Variants in C8orf34 observed in about 807,000 individuals in gnomAD.
The protein encoded by C8orf34 is uncharacterized protein C8orf34.
In C8orf34, 65 loss-of-function variants were observed where a neutral mutation model predicts 68.3. The observed-to-expected ratio is 0.95, with a 90% CI of 0.78 to 1.17. The LOEUF is 1.17. C8orf34 is among the 50% of genes most tolerant of loss of function. C8orf34 has a pLI of 0.00. For synonymous variants in C8orf34, 244 were observed against 241.2 expected (o/e 1.01, Z -0.11); for missense variants, 664 against 655.4 (o/e 1.01, Z -0.14).
intron 8 of C8orf34, among the ~76,000 whole-genome samples, chr8:68,672,683 C>T (rs1042229295): frequency 1.3e-5 from 2 of 152,144 alleles, no homozygotes; most frequent in Non-Finnish European, 2.9e-5. Context: ...AGTTGAAAGG[C>T]AGTCTAGGCT....
intron 8 of C8orf34, among the ~76,000 whole-genome samples, chr8:68,664,309 C>G (rs531847302): frequency 3.9e-5 from 6 of 152,212 alleles, no homozygotes; most frequent in Non-Finnish European, 7.4e-5. Context: ...GTTAGCTTGG[C>G]CTATATGCAG....
intron 1 of C8orf34, among the ~76,000 whole-genome samples, chr8:68,402,331 A>G (rs1347257195): frequency 6.6e-6 from 1 of 151,780 alleles, no homozygotes; most frequent in Non-Finnish European, 1.5e-5. Context: ...CAGTTTGTCA[A>G]TTTTGTTTAT....
At chr8:68,436,700 T>C (rs1026968882) in intron 1 of C8orf34, among the ~76,000 whole-genome samples, 2 of 152,176 alleles carry the variant, frequency 1.3e-5, no homozygotes, top group African/African-American at 4.8e-5. Context: ...CTTGATGTTC[T>C]AGAATACTTT....
At chr8:68,723,197 C>A (rs1821723970) in intron 10 of C8orf34, among the ~76,000 whole-genome samples, 2 of 152,118 alleles carry the variant, frequency 1.3e-5, no homozygotes, top group Admixed American at 6.5e-5. Context: ...TCCTCACAAA[C>A]ATTGGTCCTA....
At chr8:68,712,185 A>G (rs1821346091) in intron 9 of C8orf34, among the ~76,000 whole-genome samples, 3 of 152,178 alleles carry the variant, frequency 2.0e-5, no homozygotes, top group Non-Finnish European at 2.9e-5. Flanking sequence ...TTCTAAAAGG[A>G]ACTCTAAGTC....
intron 7 of C8orf34, among the ~76,000 whole-genome samples, chr8:68,630,580 A>G (rs1818661224): frequency 1.3e-5 from 2 of 152,132 alleles, no homozygotes; most frequent in Admixed American, 6.6e-5. Flanking sequence ...TTAATAAGAA[A>G]TGCACTTATA....
intron 8 of C8orf34, among the ~76,000 whole-genome samples, chr8:68,705,697 T>C (rs1821143730): frequency 6.6e-6 from 1 of 152,086 alleles, no homozygotes; most frequent in African/African-American, 2.4e-5. Flanking sequence ...CAGCTAGTTA[T>C]TTTATATAAT....
intron 3 of C8orf34, among the ~76,000 whole-genome samples, chr8:68,464,212 G>T (rs1210548268): frequency 6.6e-6 from 1 of 152,004 alleles, no homozygotes; most frequent in African/African-American, 2.4e-5. Context: ...GCTTCAAAGA[G>T]AATAAAATAC....
In C8orf34 at chr8:68,693,101, C is replaced by A. The variant is rs554559711; in HGVS notation, c.1242-15893C>A. 5.9e-5 allele frequency among the ~76,000 whole-genome samples: 9 copies of A among 152,148 alleles called. No individual in the cohort carries two copies. The South Asian group carries it at 8.3e-4, about 14-fold the overall frequency. On this transcript the variant is annotated intron_variant, in intron 8 of 13. Transcript: ENST00000518698. ...CTTCATTTCCTGTAGTCTTAGATTTCCCCCAAATTTATGAATTGTCCTTCC... is the reference window on the plus strand; with the variant it reads ...CTTCATTTCCTGTAGTCTTAGATTTACCCCAAATTTATGAATTGTCCTTCC...
chr8:68,334,938 G>C (rs1195770546), intron 1 of C8orf34, among the ~76,000 whole-genome samples: 1 of 152,136 alleles, frequency 6.6e-6, no homozygotes, highest in Non-Finnish European at 1.5e-5. Flanking sequence ...AGCCATGTAT[G>C]CAACCCTGAA....
chr8:68,361,039 G>A (rs1585983359), intron 1 of C8orf34, among the ~76,000 whole-genome samples: 1 of 152,104 alleles, frequency 6.6e-6, no homozygotes, highest in African/African-American at 2.4e-5. Context: ...ACAGGTGTGA[G>A]CCACCGCATC....
intron 1 of C8orf34, among the ~76,000 whole-genome samples, chr8:68,411,013 A>T (rs999795299): frequency 6.6e-6 from 1 of 152,192 alleles, no homozygotes; most frequent in Non-Finnish European, 1.5e-5. Flanking sequence ...TTCTGCTCTG[A>T]TGTAACTGTC....
intron 10 of C8orf34, among the ~76,000 whole-genome samples, chr8:68,743,415 G>A (rs570335828): frequency 6.6e-5 from 10 of 152,304 alleles, no homozygotes; most frequent in Admixed American, 1.3e-4. Context: ...CATGAGCGAC[G>A]CAGAAGACGG....
chr8:68,474,486 G>T (rs1812517274), intron 4 of C8orf34, among the ~76,000 whole-genome samples: 1 of 151,802 alleles, frequency 6.6e-6, no homozygotes, highest in African/African-American at 2.4e-5. Context: ...CCAGATTATT[G>T]GTTTATCCAT....
At chr8:68,468,652 T>C (rs1279099040) in intron 3 of C8orf34, 40 bp from the exon 4 acceptor site, 3 of 1,600,128 alleles carry the variant, frequency 1.9e-6, no homozygotes, top group South Asian at 1.1e-5. Flanking sequence ...TGTGTCATTA[T>C]GTAGCATGCT....
chr8:68,753,459 A>G (rs1822762791), intron 10 of C8orf34, among the ~76,000 whole-genome samples: 1 of 152,234 alleles, frequency 6.6e-6, no homozygotes, highest in African/African-American at 2.4e-5. Context: ...TGTATGATGT[A>G]GACTGTATAC....
chr8:68,464,040 A>C (rs1207920065), intron 3 of C8orf34, among the ~76,000 whole-genome samples: 1 of 152,090 alleles, frequency 6.6e-6, no homozygotes, highest in Non-Finnish European at 1.5e-5. Context: ...TATCTAGAAA[A>C]CCCCATTGTC....
chr8:68,489,283 A>G (rs968748889), intron 5 of C8orf34, among the ~76,000 whole-genome samples: 1 of 152,210 alleles, frequency 6.6e-6, no homozygotes, highest in Non-Finnish European at 1.5e-5. Flanking sequence ...ATACTGCTCT[A>G]GATATCTTTT....
intron 7 of C8orf34, among the ~76,000 whole-genome samples, chr8:68,560,780 G>A (rs1816399863): frequency 6.6e-6 from 1 of 152,120 alleles, no homozygotes; most frequent in African/African-American, 2.4e-5. Context: ...TTGCAGGACT[G>A]AAAGTTGCTC....
Sources: allele counts gnomAD v4.1 joint callset (sites outside exome capture counted in the v4.1 genomes callset), GRCh38; gene constraint gnomAD v4.1.1; transcripts MANE v1.5; gene names NCBI Gene and HGNC (gene_info 2026-07-23, HGNC 2026-07-21).